The following STPG2 variants were observed in gnomAD, a reference collection of about 807,000 sequenced individuals.
STPG2 encodes sperm-tail PG-rich repeat-containing protein 2.
A neutral mutation model predicts 54.2 loss-of-function variants in STPG2; 56 were observed. That is an observed-to-expected ratio of 1.03 (90% confidence interval 0.83 to 1.29). The LOEUF is 1.29. STPG2 is among the 50% of genes most tolerant of loss of function. The probability of loss-of-function intolerance (pLI) is 0.00; values close to 1 mark genes in which losing one functional copy is unlikely to be tolerated. For synonymous variants in STPG2, 200 were observed against 181.8 expected (o/e 1.10, Z -0.81); for missense variants, 596 against 544.9 (o/e 1.09, Z -0.93).
intron 9 of STPG2, among the ~76,000 whole-genome samples, chr4:97,729,796 T>C (rs1029359517): frequency 6.6e-6 from 1 of 152,204 alleles, no homozygotes; most frequent in African/African-American, 2.4e-5. Flanking sequence ...TTTAGAAGCA[T>C]AGACTTTATA....
At chr4:97,775,226 T>C (rs904498332) in intron 9 of STPG2, among the ~76,000 whole-genome samples, 3 of 152,106 alleles carry the variant, frequency 2.0e-5, no homozygotes, top group East Asian at 3.9e-4. Context: ...GAGAGTAGCA[T>C]TGCAATGTAA....
intron 10 of STPG2, among the ~76,000 whole-genome samples, chr4:97,697,368 C>T (rs1051286537): frequency 6.6e-6 from 1 of 152,148 alleles, no homozygotes; most frequent in African/African-American, 2.4e-5. Flanking sequence ...GCATCCCAGG[C>T]ACCCCTGACC....
intron 5 of STPG2, among the ~76,000 whole-genome samples, chr4:98,013,467 A>G (rs943861745): frequency 6.6e-6 from 1 of 152,082 alleles, no homozygotes; most frequent in Non-Finnish European, 1.5e-5. Context: ...TCATAAAACA[A>G]GTTAGGGAGG....
At chr4:97,832,740 T>C (rs1005503205) in intron 9 of STPG2, among the ~76,000 whole-genome samples, 3 of 152,178 alleles carry the variant, frequency 2.0e-5, no homozygotes, top group African/African-American at 7.2e-5. Flanking sequence ...AGCCAAATCA[T>C]GAGTGAACTC....
At chr4:97,664,686 AT>A (rs33997675) in intron 10 of STPG2, among the ~76,000 whole-genome samples, 18,321 of 151,708 alleles carry the variant, frequency 0.12, 3,160 homozygotes, top group African/African-American at 0.38. Flanking sequence ...ATAAGAAGCT[AT>A]TTTTTTTACC....
intron 9 of STPG2, among the ~76,000 whole-genome samples, chr4:97,798,281 T>C (rs1215372737): frequency 6.6e-6 from 1 of 152,228 alleles, no homozygotes; most frequent in African/African-American, 2.4e-5. Context: ...TGTTAGGGTG[T>C]CAATTTTAGA....
chr4:97,991,832 T>C (rs1316352792), intron 5 of STPG2, among the ~76,000 whole-genome samples: 1 of 152,212 alleles, frequency 6.6e-6, no homozygotes, highest in East Asian at 1.9e-4. Context: ...ATTGTGATTT[T>C]TATTTGCATT....
At chr4:98,136,556 T>C (rs1295413554) in intron 1 of STPG2, among the ~76,000 whole-genome samples, 2 of 151,758 alleles carry the variant, frequency 1.3e-5, no homozygotes, top group Admixed American at 1.3e-4. Flanking sequence ...TGAATGCATA[T>C]TACTTTCACA....
chr4:98,132,927 A>G (rs1355460276), intron 2 of STPG2, among the ~76,000 whole-genome samples: 35 of 146,038 alleles, frequency 2.4e-4, no homozygotes, highest in Non-Finnish European at 1.5e-5. Context: ...CCTTAGAAAA[A>G]TTTTTACCCC....
intron 10 of STPG2, among the ~76,000 whole-genome samples, chr4:97,647,486 C>G (rs181346135): frequency 7.9e-5 from 12 of 152,280 alleles, no homozygotes; most frequent in African/African-American, 2.9e-4. Flanking sequence ...TCTGCTTCCT[C>G]CTCCTTTGCT....
chr4:97,677,382 GT>G (rs1325091059), intron 10 of STPG2, among the ~76,000 whole-genome samples: 1 of 152,080 alleles, frequency 6.6e-6, no homozygotes, highest in Non-Finnish European at 1.5e-5. Flanking sequence ...TGATGACTGG[GT>G]TGTAATAGTC....
chr4:97,862,693 G>T (rs1453952961), intron 8 of STPG2, among the ~76,000 whole-genome samples: 3 of 152,096 alleles, frequency 2.0e-5, no homozygotes, highest in Non-Finnish European at 4.4e-5. Flanking sequence ...CACGGAGTTG[G>T]AAGTAAAGCA....
At chr4:97,588,839 T>C (rs1001843195) in intron 10 of STPG2, among the ~76,000 whole-genome samples, 1 of 152,086 alleles carries the variant, frequency 6.6e-6, no homozygotes, top group Non-Finnish European at 1.5e-5. Flanking sequence ...AAAAATACTA[T>C]CAAAAACAAA....
At chr4:97,859,587 C>T (rs757301898) in intron 8 of STPG2, among the ~76,000 whole-genome samples, 2 of 151,800 alleles carry the variant, frequency 1.3e-5, no homozygotes, top group Admixed American at 6.6e-5. Flanking sequence ...GCCTCAGGCT[C>T]CCAAGTAGCT....
intron 9 of STPG2, among the ~76,000 whole-genome samples, chr4:97,761,996 T>C (rs1363899765): frequency 1.3e-5 from 2 of 152,158 alleles, no homozygotes; most frequent in Admixed American, 1.3e-4. Context: ...CTAGTCACTA[T>C]GGCAGAGCCT....
intron 4 of STPG2, among the ~76,000 whole-genome samples, chr4:97,488,421 A>ATTTTGCTGAAGAT (rs1730423832): frequency 1.3e-5 from 2 of 151,744 alleles, no homozygotes; most frequent in Non-Finnish European, 2.9e-5. Context: ...AAGATCAAAC[A>ATTTTGCTGAAGAT]GTAATTTATT....
At chr4:98,138,476 G>A (rs546180165) in intron 1 of STPG2, among the ~76,000 whole-genome samples, 30 of 152,114 alleles carry the variant, frequency 2.0e-4, no homozygotes, top group African/African-American at 5.8e-4. Flanking sequence ...GTCAGTCTAC[G>A]CTGAGAAAGA....
chr4:97,479,278 A>G (rs1281580393), intron 4 of STPG2, among the ~76,000 whole-genome samples: 2 of 151,922 alleles, frequency 1.3e-5, no homozygotes, highest in African/African-American at 4.8e-5. Context: ...ATATATGCAT[A>G]CAAATAGTTG....
chr4:97,556,264 T>C (rs138930885), downstream of STPG2, among the ~76,000 whole-genome samples: 629 of 152,314 alleles, frequency 4.1e-3, 3 homozygotes, highest in South Asian at 0.02. Flanking sequence ...ATGGTGAAGT[T>C]ACTTAGGTTT....
Sources: allele counts gnomAD v4.1 joint callset (sites outside exome capture counted in the v4.1 genomes callset), GRCh38; gene constraint gnomAD v4.1.1; transcripts MANE v1.5; gene names NCBI Gene and HGNC (gene_info 2026-07-23, HGNC 2026-07-21).